Variants in PPP1R42 observed in about 807,000 individuals in gnomAD.
The protein encoded by PPP1R42 is leucine rich repeat containing 67.
A neutral mutation model predicts 31.0 loss-of-function variants in PPP1R42; 34 were observed. The ratio of observed to expected loss-of-function variants is 1.10; its 90% confidence interval spans 0.83 to 1.46. The LOEUF (loss-of-function observed/expected upper bound fraction) is 1.46. Among genes scored for constraint, PPP1R42 ranks in the 40% most tolerant of loss-of-function variants. PPP1R42 has a pLI of 0.00. For synonymous variants in PPP1R42, 103 were observed against 109.8 expected (o/e 0.94, Z 0.39); for missense variants, 268 against 303.0 (o/e 0.88, Z 0.86).
intron 6 of PPP1R42, among the ~76,000 whole-genome samples, chr8:66,983,348 T>C (rs1163551338): frequency 4.6e-5 from 7 of 152,240 alleles, no homozygotes; most frequent in Non-Finnish European, 1.0e-4. Context: ...TTTATGGATA[T>C]ATTATAAAAT....
intron 7 of PPP1R42, among the ~76,000 whole-genome samples, chr8:66,967,725 C>T (rs1032805618): frequency 6.6e-6 from 1 of 152,056 alleles, no homozygotes; most frequent in African/African-American, 2.4e-5. Context: ...AATTATGGGT[C>T]CCAGTGATTT....
rs1048574810 is a variant in PPP1R42, at chr8:66,996,475, G to A, written c.553-7958C>T. Among the ~76,000 whole-genome samples, 3 of 152,128 alleles carry A rather than the reference G, an allele frequency of 2.0e-5. No homozygotes were observed. The South Asian group carries it at 6.2e-4, about 31-fold the overall frequency. Reference sequence around the variant, plus strand: ...ATTGCCTAATTTCTTAGTTTTCTATGTACTTACCACAGTTCAGTCTGTTGC... The same window carrying A: ...ATTGCCTAATTTCTTAGTTTTCTATATACTTACCACAGTTCAGTCTGTTGC... On this transcript the variant is annotated intron_variant, in intron 5 of 7. Coordinates refer to ENST00000685739, the MANE Select transcript of PPP1R42 (RefSeq NM_001364910.1).
chr8:66,982,721 G>C (rs1038721140), intron 6 of PPP1R42, among the ~76,000 whole-genome samples: 4 of 152,132 alleles, frequency 2.6e-5, no homozygotes, highest in Non-Finnish European at 5.9e-5. Context: ...GCCTCCCAAA[G>C]TGCTGGGATT....
chr8:66,974,617 G>A (rs888381952), intron 7 of PPP1R42, among the ~76,000 whole-genome samples: 11 of 152,104 alleles, frequency 7.2e-5, no homozygotes, highest in African/African-American at 9.7e-5. Flanking sequence ...ATTTTGATTC[G>A]CATTTCCCTG....
chr8:67,020,293 C>T (rs1816173983), intron 1 of PPP1R42, among the ~76,000 whole-genome samples: 1 of 152,092 alleles, frequency 6.6e-6, no homozygotes, highest in Non-Finnish European at 1.5e-5. Context: ...ACCTCCGCCT[C>T]CTGGGTTCAA....
chr8:67,012,774 A>G (rs1407329788), intron 4 of PPP1R42, 184 bp downstream of exon 4: 1 of 444,054 alleles, frequency 2.3e-6, no homozygotes. Context: ...ATCCCACTTT[A>G]TAAATGCTGA....
intron 5 of PPP1R42, among the ~76,000 whole-genome samples, chr8:67,009,201 C>T (rs796638013): frequency 1.2e-3 from 175 of 151,916 alleles, no homozygotes; most frequent in African/African-American, 3.9e-3. Flanking sequence ...ACCTGGGAGG[C>T]GGAGGTTTCA....
At chr8:66,984,126 A>C (rs1170806909) in intron 6 of PPP1R42, 4 of 1,586,844 alleles carry the variant, frequency 2.5e-6, no homozygotes, top group African/African-American at 2.7e-5. Flanking sequence ...AAGGGCTTGC[A>C]GTAGTCTCAA....
intron 6 of PPP1R42, chr8:66,986,116 C>T (rs1815003384): frequency 2.9e-6 from 2 of 692,690 alleles, no homozygotes; most frequent in Non-Finnish European, 5.5e-6. Flanking sequence ...TTCCCTACAG[C>T]AGTTCAATGC....
At chr8:67,022,227 A>C (rs1478858916) in intron 1 of PPP1R42, among the ~76,000 whole-genome samples, 1 of 152,150 alleles carries the variant, frequency 6.6e-6, no homozygotes, top group African/African-American at 2.4e-5. Context: ...ATATCTCACT[A>C]CTGTGTTTTA....
chr8:66,990,206 T>A (rs1050440496), intron 5 of PPP1R42, among the ~76,000 whole-genome samples: 5 of 152,190 alleles, frequency 3.3e-5, no homozygotes, highest in Admixed American at 2.0e-4. Flanking sequence ...TCTAAAAACC[T>A]ATAAGGAAGG....
At chr8:66,980,970 G>A (rs902556221) in intron 7 of PPP1R42, among the ~76,000 whole-genome samples, 1 of 152,012 alleles carries the variant, frequency 6.6e-6, no homozygotes, top group Non-Finnish European at 1.5e-5. Flanking sequence ...AGCCTCCCGA[G>A]TAGCTGGGAT....
intron 1 of PPP1R42, among the ~76,000 whole-genome samples, chr8:67,020,912 C>T (rs1260906765): frequency 2.0e-5 from 3 of 152,200 alleles, no homozygotes; most frequent in Non-Finnish European, 2.9e-5. Flanking sequence ...GATCATGCCA[C>T]TGCACTCCAG....
chr8:67,008,306 T>C (rs892699066), intron 5 of PPP1R42, among the ~76,000 whole-genome samples: 7 of 152,198 alleles, frequency 4.6e-5, no homozygotes, highest in Admixed American at 3.9e-4. Flanking sequence ...TCTTAGAATG[T>C]AGCCTTCACA....
intron 6 of PPP1R42, chr8:66,984,234 C>CCCCCAGTATGG: frequency 6.7e-7 from 1 of 1,502,820 alleles, no homozygotes; most frequent in Non-Finnish European, 9.2e-7. Context: ...CTATAGGACA[C>CCCCCAGTATGG]TGTTTAAACT....
chr8:66,972,131 A>G (rs1814553928), intron 7 of PPP1R42, among the ~76,000 whole-genome samples: 1 of 152,232 alleles, frequency 6.6e-6, no homozygotes, highest in East Asian at 1.9e-4. Flanking sequence ...TAAAGACCAT[A>G]TAGTATGCTA....
intron 7 of PPP1R42, among the ~76,000 whole-genome samples, chr8:66,981,018 T>C (rs562938332): frequency 6.6e-6 from 1 of 152,052 alleles, no homozygotes; most frequent in South Asian, 2.1e-4. Context: ...AATTTTTGTA[T>C]TTTTGTAGAG....
chr8:67,001,369 C>T (rs1563424991), intron 5 of PPP1R42, among the ~76,000 whole-genome samples: 2 of 149,834 alleles, frequency 1.3e-5, no homozygotes, highest in Non-Finnish European at 3.0e-5. Flanking sequence ...AAAAAAAAAT[C>T]CGGTCCTACT....
chr8:66,973,622 A>G (rs1274997474), intron 7 of PPP1R42, among the ~76,000 whole-genome samples: 1 of 152,068 alleles, frequency 6.6e-6, no homozygotes, highest in Non-Finnish European at 1.5e-5. Flanking sequence ...TACCCTCTTA[A>G]CAAAGTTTTA....
Sources: allele counts gnomAD v4.1 joint callset (sites outside exome capture counted in the v4.1 genomes callset), GRCh38; gene constraint gnomAD v4.1.1; transcripts MANE v1.5; gene names NCBI Gene and HGNC (gene_info 2026-07-23, HGNC 2026-07-21).